SCAP: variants seen among roughly 807,000 people sequenced by gnomAD.
The protein encoded by SCAP is SREBF chaperone.
SCAP carries 65 observed loss-of-function variants against 123.6 expected under a neutral mutation model. The ratio of observed to expected loss-of-function variants is 0.53; its 90% CI spans 0.43 to 0.65. The LOEUF is 0.65. Among genes scored for constraint, SCAP ranks in the 30% least tolerant of loss-of-function variants. The pLI, the probability that SCAP is intolerant of heterozygous loss-of-function variation, is 0.00. For missense variants in SCAP, 1,398 were observed against 1,712.5 expected (o/e 0.82, Z 3.24); for synonymous variants, 740 against 726.3 (o/e 1.02, Z -0.30).
At chr3:47,437,802 G>C in intron 2 of SCAP, among the ~76,000 whole-genome samples, 1 of 152,082 alleles carries the variant, frequency 6.6e-6, no homozygotes, top group Middle Eastern at 3.4e-3. Context: ...GAAAAAAAAA[G>C]AATAAAACTA....
intron 1 of SCAP, among the ~76,000 whole-genome samples, chr3:47,450,291 C>T (rs763383031): frequency 7.9e-6 from 1 of 125,794 alleles, no homozygotes; most frequent in Non-Finnish European, 1.8e-5. Flanking sequence ...AGCCACTGCT[C>T]CTGGCCCTAA....
At chr3:47,468,949 C>T (rs1461018240) in intron 1 of SCAP, among the ~76,000 whole-genome samples, 5 of 152,024 alleles carry the variant, frequency 3.3e-5, no homozygotes, top group East Asian at 1.9e-4. Context: ...GCTCCTGGAT[C>T]GATAGTTTCT....
chr3:47,435,195 GCAC>G, intron 2 of SCAP, 58 bp from the exon 3 acceptor site: 1 of 1,541,502 alleles, frequency 6.5e-7, no homozygotes, highest in Non-Finnish European at 8.8e-7. Context: ...TCCTCTCTCA[GCAC>G]TGACACAGGA....
intron 1 of SCAP, among the ~76,000 whole-genome samples, chr3:47,466,145 A>C (rs1277785380): frequency 2.0e-5 from 3 of 151,502 alleles, no homozygotes; most frequent in African/African-American, 7.2e-5. Context: ...CCAAAAAAAA[A>C]AAAAAAAAAA....
chr3:47,452,349 C>T (rs909077306), intron 1 of SCAP, among the ~76,000 whole-genome samples: 1 of 151,798 alleles, frequency 6.6e-6, no homozygotes, highest in South Asian at 2.1e-4. Flanking sequence ...CACAGTGAGA[C>T]CCTGTCTCTG....
intron 1 of SCAP, among the ~76,000 whole-genome samples, chr3:47,446,743 C>G (rs574570949): frequency 2.6e-5 from 4 of 151,588 alleles, no homozygotes; most frequent in Non-Finnish European, 5.9e-5. Context: ...GAGTTTGAGA[C>G]CAGCCTGGAC....
At chr3:47,456,780 G>A (rs1000502268) in intron 1 of SCAP, among the ~76,000 whole-genome samples, 7 of 151,346 alleles carry the variant, frequency 4.6e-5, no homozygotes, top group Non-Finnish European at 5.9e-5. Flanking sequence ...GCGAGACTCC[G>A]TCTCAAAAAA....
At chr3:47,431,823 T>TG (rs1052987530) in intron 3 of SCAP, among the ~76,000 whole-genome samples, 2 of 152,254 alleles carry the variant, frequency 1.3e-5, no homozygotes, top group African/African-American at 4.8e-5. Context: ...ACAGTCACAC[T>TG]GTCCTCTTTG....
intron 2 of SCAP, among the ~76,000 whole-genome samples, chr3:47,440,964 C>T (rs533178482): frequency 1.7e-3 from 256 of 151,716 alleles, no homozygotes; most frequent in African/African-American, 5.7e-3. Flanking sequence ...TGCAGTGGCG[C>T]GATCTCAGCT....
At chr3:47,471,024 T>C (rs1461009339) in intron 1 of SCAP, among the ~76,000 whole-genome samples, 2 of 152,192 alleles carry the variant, frequency 1.3e-5, no homozygotes, top group Admixed American at 1.3e-4. Flanking sequence ...CCCAAGTTAA[T>C]GACTAAGTGA....
intron 1 of SCAP, among the ~76,000 whole-genome samples, chr3:47,459,283 C>A (rs1191543134): frequency 6.6e-6 from 1 of 152,214 alleles, no homozygotes; most frequent in Non-Finnish European, 1.5e-5. Context: ...TCAGGCCACA[C>A]AGGCTAAACA....
intron 8 of SCAP, 99 bp downstream of exon 8, chr3:47,425,386 A>C (rs1706080123): frequency 7.7e-7 from 1 of 1,291,034 alleles, no homozygotes; most frequent in Non-Finnish European, 1.1e-6. Context: ...TGAAGACGTG[A>C]GGTCACAGCA....
At chr3:47,421,154 G>T in intron 10 of SCAP, 125 bp from the exon 11 acceptor site, 1 of 743,474 alleles carries the variant, frequency 1.3e-6, no homozygotes, top group Non-Finnish European at 2.4e-6. Context: ...GCACAGCAGA[G>T]ATGAGAGATG....
chr3:47,417,147 T>C lies in SCAP; in HGVS notation c.3031A>G (p.Thr1011Ala), dbSNP rs1286651207. 6.2e-7 allele frequency: 1 copy of C among 1,612,962 alleles called. No homozygotes were observed. The highest frequency in any genetic ancestry group is 8.5e-7 in the Non-Finnish European group (1 of 1,180,016). ...CSSEEVSSGI[T>A]ALVFLDKRIV... The stretch of plus-strand genomic sequence containing the variant: ...CTTTTGTCCAAGAACACCAGAGCGG[T>C]AATGCCTGAGGAGACCTCCTCGCTG... Residue 1011 changes from threonine to alanine, a missense_variant, in exon 18 of 23, where the codon ACC becomes GCC. By Grantham distance (58) the Thr-to-Ala change is moderately conservative. This residue lies in a region of SCAP where 828 missense variants were observed against 882.5 expected (regional missense o/e 0.94). Coordinates refer to ENST00000265565, the MANE Select transcript of SCAP (RefSeq NM_012235.4).
chr3:47,468,729 T>C (rs1299840884), intron 1 of SCAP, among the ~76,000 whole-genome samples: 1 of 152,220 alleles, frequency 6.6e-6, no homozygotes, highest in Non-Finnish European at 1.5e-5. Context: ...TTTAATTAGA[T>C]CCCATTTGTC....
Position 47,413,958 on chromosome 3 carries a change from G to T in SCAP, c.3736C>A (p.Pro1246Thr). 6.2e-7 allele frequency: 1 copy of T among 1,613,314 alleles called. No homozygotes were observed. The highest frequency in any genetic ancestry group is 8.5e-7 in the Non-Finnish European group (1 of 1,180,028). ...VYLGKNSEAQ[P>T]ARQILVLDNA... is the part of the protein sequence containing the mutation. Reference sequence around the variant, plus strand: ...TCCAGCACCAGGATCTGGCGGGCAGGCTGGGCCTCACTGTTCTTCCCCAGG... The same window carrying T: ...TCCAGCACCAGGATCTGGCGGGCAGTCTGGGCCTCACTGTTCTTCCCCAGG... Residue 1246 changes from proline (P) to threonine (T), a missense_variant, in exon 23 of 23, where the codon CCT (proline) becomes ACT (threonine). By Grantham distance (38) the Pro-to-Thr change is conservative. Transcript: ENST00000265565.
intron 20 of SCAP, 29 bp downstream of exon 20, chr3:47,414,798 C>T (rs368390058): frequency 6.3e-7 from 1 of 1,598,312 alleles, no homozygotes; most frequent in African/African-American, 1.3e-5. Flanking sequence ...CGGGCCACTC[C>T]AGCACCCAAG....
At position 47,418,382 on chromosome 3, in the gene SCAP, T is replaced by G. The variant is rs1705732557; in HGVS notation, c.2270A>C (p.Asp757Ala). Residue 757 changes from aspartate to alanine, a missense_variant, in exon 15 of 23, where the codon GAC becomes GCC. Asp to Ala is a moderately radical substitution (Grantham distance 126). Transcript: ENST00000265565. ...CGTCTCGGGTGGCGCATAGCCGTAG[T>G]CGTCGCAGGGCAGCTCCCCGCGCCT... is the stretch of plus-strand genomic sequence containing the variant. ...RRRRGELPCDDYGYAPPETEI... is the reference protein window; with the variant it reads ...RRRRGELPCDAYGYAPPETEI... 1.3e-6 allele frequency: 2 copies of G among 1,573,924 alleles called. No homozygotes were observed. Among genetic ancestry groups the G allele is most frequent in the South Asian group, 2.3e-5 (2 of 86,668 alleles).
chr3:47,462,753 CAAAAAAAAAAAA>C (rs369097240), intron 1 of SCAP, among the ~76,000 whole-genome samples: 22 of 79,648 alleles, frequency 2.8e-4, no homozygotes, highest in Admixed American at 4.0e-4. Flanking sequence ...AACTCCGTCT[CAAAAAAAAAAAA>C]AAAAAAAAAG....
Sources: allele counts gnomAD v4.1 joint callset (sites outside exome capture counted in the v4.1 genomes callset), GRCh38; gene constraint gnomAD v4.1.1; regional missense constraint gnomAD v4.1.1; transcripts MANE v1.5; gene names NCBI Gene and HGNC (gene_info 2026-07-23, HGNC 2026-07-21).